BOC: variants seen among roughly 807,000 people sequenced by gnomAD.
BOC encodes brother of CDO.
In BOC, 76 loss-of-function variants were observed where a neutral mutation model predicts 112.0. The ratio of observed to expected loss-of-function variants is 0.68; its 90% CI spans 0.56 to 0.82. The LOEUF (loss-of-function observed/expected upper bound fraction) is 0.82. Among genes scored for constraint, BOC ranks in the 40% least tolerant of loss-of-function variants. The pLI is 0.00. For missense variants in BOC, 1,309 were observed against 1,511.7 expected, an observed-to-expected ratio of 0.87 and a Z score of 2.22; for synonymous variants, 580 against 599.8, an observed-to-expected ratio of 0.97 and a Z score of 0.48.
At chr3:113,267,856 G>T (rs754502875) in intron 4 of BOC, among the ~76,000 whole-genome samples, 3 of 152,170 alleles carry the variant, frequency 2.0e-5, no homozygotes, top group Non-Finnish European at 2.9e-5. Context: ...GCCTCCGAAG[G>T]CTGTTCTCAA....
chr3:113,283,307 C>T, intron 15 of BOC, 104 bp from the exon 16 acceptor site: 2 of 1,181,190 alleles, frequency 1.7e-6, no homozygotes, highest in East Asian at 2.4e-5. Context: ...GTGAGTCTGA[C>T]CCCATTTCCC....
chr3:113,248,011 C>T (rs969724972), intron 2 of BOC, among the ~76,000 whole-genome samples: 4 of 152,176 alleles, frequency 2.6e-5, no homozygotes, highest in African/African-American at 4.8e-5. Context: ...CTTGTGAGTC[C>T]TCTGATGTCA....
At chr3:113,245,502 T>G (rs1364145359) in intron 2 of BOC, among the ~76,000 whole-genome samples, 1 of 152,180 alleles carries the variant, frequency 6.6e-6, no homozygotes, top group African/African-American at 2.4e-5. Flanking sequence ...TGTGCAGGAG[T>G]ACTACCCTCT....
chr3:113,234,074 T>C (rs1235244718), intron 2 of BOC, among the ~76,000 whole-genome samples: 1 of 152,200 alleles, frequency 6.6e-6, no homozygotes, highest in Non-Finnish European at 1.5e-5. Context: ...ATTCTTTGAG[T>C]ACCTGCTATA....
In BOC at chr3:113,231,773, C is replaced by G. The variant is rs371862959; in HGVS notation, c.-82+15499C>G. ...TATTCCTCACTAATCTCCTTTCCAC[C>G]ACTACATCCCCACCCCTCTGCCACT... On this transcript the variant is annotated intron_variant, in intron 2 of 19. Coordinates refer to ENST00000682979, the MANE Select transcript of BOC (RefSeq NM_001378074.1). Among the ~76,000 whole-genome samples the G allele has an allele frequency of 2.0e-5, 3 of 152,170 alleles. No individual in the cohort carries two copies. In the East Asian group the frequency reaches 5.8e-4, roughly 29 times the overall value.
At chr3:113,282,208 T>C (rs1949262684) in intron 15 of BOC, among the ~76,000 whole-genome samples, 1 of 152,092 alleles carries the variant, frequency 6.6e-6, no homozygotes, top group African/African-American at 2.4e-5. Flanking sequence ...CACTGGAGGC[T>C]GTGAGGTGGA....
intron 2 of BOC, among the ~76,000 whole-genome samples, chr3:113,227,420 G>A (rs1342102900): frequency 1.3e-5 from 2 of 152,220 alleles, no homozygotes; most frequent in Non-Finnish European, 2.9e-5. Flanking sequence ...GGAAGCCCCA[G>A]AAAGATGGAA....
At chr3:113,280,496 G>A (rs1949090942) in intron 13 of BOC, 62 bp from the exon 14 acceptor site, 1 of 1,210,902 alleles carries the variant, frequency 8.3e-7, no homozygotes, top group Non-Finnish European at 1.2e-6. Flanking sequence ...TACACCAGTG[G>A]TTTTGCTTTG....
chr3:113,247,304 A>G (rs560089630), intron 2 of BOC, among the ~76,000 whole-genome samples: 1 of 152,318 alleles, frequency 6.6e-6, no homozygotes, highest in Admixed American at 6.5e-5. Flanking sequence ...GAACTCATGC[A>G]ATGATCTATA....
At chr3:113,285,692 G>A in intron 19 of BOC, 127 bp downstream of exon 19, 3 of 945,076 alleles carry the variant, frequency 3.2e-6, no homozygotes, top group Non-Finnish European at 3.0e-6. Context: ...GCATTTATGT[G>A]GGAGGGATGG....
intron 3 of BOC, among the ~76,000 whole-genome samples, chr3:113,250,226 ACAAT>A (rs1398380210): frequency 1.3e-5 from 2 of 152,244 alleles, no homozygotes; most frequent in South Asian, 2.1e-4. Context: ...ACCTTGTGAG[ACAAT>A]CAATATTAGC....
chr3:113,284,975 C>T (rs1051376750), intron 18 of BOC, 117 bp downstream of exon 18: 83 of 869,546 alleles, frequency 9.5e-5, no homozygotes, highest in South Asian at 9.1e-4. Flanking sequence ...CAGGGGTCCC[C>T]GTGACTGACA....
intron 8 of BOC, 25 bp downstream of exon 8, chr3:113,273,366 AT>A (rs755673625): frequency 1.9e-6 from 3 of 1,562,962 alleles, no homozygotes; most frequent in Non-Finnish European, 2.6e-6. Flanking sequence ...GGGGTCTGAG[AT>A]TCCAGCTGAT....
intron 2 of BOC, among the ~76,000 whole-genome samples, chr3:113,247,777 A>C (rs1341893956): frequency 6.6e-6 from 1 of 152,152 alleles, no homozygotes; most frequent in Non-Finnish European, 1.5e-5. Flanking sequence ...GCCCCTCCCA[A>C]TTGTACTCAC....
intron 15 of BOC, among the ~76,000 whole-genome samples, chr3:113,282,712 G>T (rs1196168233): frequency 2.6e-5 from 4 of 152,040 alleles, no homozygotes; most frequent in Non-Finnish European, 5.9e-5. Flanking sequence ...AACCAGGAAG[G>T]CCTCCCAGTG....
At chr3:113,252,853 G>A (rs1945800680) in intron 4 of BOC, among the ~76,000 whole-genome samples, 1 of 152,188 alleles carries the variant, frequency 6.6e-6, no homozygotes, top group Non-Finnish European at 1.5e-5. Context: ...GAGGGAGGCA[G>A]GCCGTGGGTG....
Position 113,279,298 on chromosome 3 carries a change from A to G in BOC, c.1866A>G (p.Ser622=), listed in dbSNP as rs146839784. 58 of 1,614,094 alleles carry G rather than the reference A, an allele frequency of 3.6e-5. No homozygotes were observed. The African/African-American group carries it at 7.1e-4, about 20-fold the overall frequency. ...RPTISTASET[S]VYVTWIPRGN... ...CCATCTCCACGGCCTCCGAGACCTC[A>G]GTGTACGTGACCTGGATTCCCCGTG... Residue 622 remains serine (S), a synonymous_variant, in exon 12 of 20, where the codon TCA becomes TCG. Coordinates refer to ENST00000682979, the MANE Select transcript of BOC (RefSeq NM_001378074.1).
chr3:113,221,773 C>T (rs1474158157), intron 2 of BOC, among the ~76,000 whole-genome samples: 1 of 152,230 alleles, frequency 6.6e-6, no homozygotes, highest in Non-Finnish European at 1.5e-5. Flanking sequence ...CTTCTGTGCT[C>T]AGAACTTCCA....
At chr3:113,255,213 T>G (rs1946103044) in intron 4 of BOC, among the ~76,000 whole-genome samples, 1 of 152,118 alleles carries the variant, frequency 6.6e-6, no homozygotes, top group African/African-American at 2.4e-5. Context: ...TCCTTTCACT[T>G]CCCTTTCCCT....
Sources: allele counts gnomAD v4.1 joint callset (sites outside exome capture counted in the v4.1 genomes callset), GRCh38; gene constraint gnomAD v4.1.1; transcripts MANE v1.5; gene names NCBI Gene and HGNC (gene_info 2026-07-23, HGNC 2026-07-21).